STX8: variants seen among roughly 807,000 people sequenced by gnomAD.
STX8 encodes the protein syntaxin 8, also known as syntaxin-8.
Under a neutral mutation model 37.5 loss-of-function variants are expected in STX8, and 23 were observed. The ratio of observed to expected loss-of-function variants is 0.61; its 90% confidence interval spans 0.44 to 0.87. The LOEUF (loss-of-function observed/expected upper bound fraction) is 0.87. Ranked by LOEUF, STX8 falls within the 40% of genes least tolerant of loss-of-function variation. The pLI is 0.00. For synonymous variants in STX8, 115 were observed against 99.1 expected, an observed-to-expected ratio of 1.16 and a Z score of -0.95; for missense variants, 313 against 284.7, an observed-to-expected ratio of 1.10 and a Z score of -0.71.
chr17:9,477,017 TTTATTA>T (rs143962756), intron 6 of STX8, among the ~76,000 whole-genome samples: 13 of 151,856 alleles, frequency 8.6e-5, no homozygotes, highest in African/African-American at 3.1e-4. Context: ...GGCTAATTTT[TTTATTA>T]TTATTATTAT....
chr17:9,554,183 T>G (rs1468564323), intron 3 of STX8: 2 of 152,314 alleles, frequency 1.3e-5, no homozygotes, highest in Non-Finnish European at 2.9e-5. Flanking sequence ...TCGCTTGAAC[T>G]TGGGAAGCGG....
intron 3 of STX8, among the ~76,000 whole-genome samples, chr17:9,556,503 A>T (rs1331610367): frequency 6.6e-6 from 1 of 151,918 alleles, no homozygotes; most frequent in Non-Finnish European, 1.5e-5. Context: ...GTGCTTTGGC[A>T]CGATCTCGGC....
At chr17:9,532,371 G>T (rs1905855192) in intron 4 of STX8, among the ~76,000 whole-genome samples, 1 of 152,140 alleles carries the variant, frequency 6.6e-6, no homozygotes, top group Non-Finnish European at 1.5e-5. Flanking sequence ...GTGCAGTAAA[G>T]AATGCATATT....
intron 5 of STX8, among the ~76,000 whole-genome samples, chr17:9,503,290 T>C (rs960864614): frequency 6.6e-6 from 1 of 152,146 alleles, no homozygotes; most frequent in African/African-American, 2.4e-5. Context: ...AGAAAGAAGT[T>C]CAGCAGTTGT....
intron 6 of STX8, among the ~76,000 whole-genome samples, chr17:9,410,237 CTTATGA>C (rs1246994333): frequency 6.6e-6 from 1 of 152,162 alleles, no homozygotes; most frequent in Non-Finnish European, 1.5e-5. Context: ...GTCATCATTG[CTTATGA>C]TTGAGTTAAT....
At chr17:9,329,280 C>T (rs1301669691) in intron 7 of STX8, among the ~76,000 whole-genome samples, 1 of 152,110 alleles carries the variant, frequency 6.6e-6, no homozygotes, top group Non-Finnish European at 1.5e-5. Context: ...CTTTCACCTC[C>T]TTTTATAGGC....
intron 5 of STX8, among the ~76,000 whole-genome samples, chr17:9,502,463 G>A (rs1037442652): frequency 3.9e-5 from 6 of 152,182 alleles, no homozygotes; most frequent in African/African-American, 1.4e-4. Flanking sequence ...AAATATGCAT[G>A]TGAGCTTATA....
At chr17:9,384,794 T>TTGTGTGTGTG (rs59655296) in intron 6 of STX8, among the ~76,000 whole-genome samples, 1,491 of 147,728 alleles carry the variant, frequency 0.01, 25 homozygotes, top group African/African-American at 0.031. Flanking sequence ...CCAGATAGAC[T>TTGTGTGTGTG]TGTGTGTGTG....
At chr17:9,292,203 A>G (rs556017938) in intron 7 of STX8, among the ~76,000 whole-genome samples, 1 of 152,356 alleles carries the variant, frequency 6.6e-6, no homozygotes, top group East Asian at 1.9e-4. Flanking sequence ...ACAAAGAAGA[A>G]CCTCAGACAA....
At chr17:9,336,697 G>A (rs1910151996) in intron 7 of STX8, among the ~76,000 whole-genome samples, 1 of 152,076 alleles carries the variant, frequency 6.6e-6, no homozygotes, top group Non-Finnish European at 1.5e-5. Context: ...GCCTCCCAAA[G>A]TGCTGGGATA....
chr17:9,574,762 G>A (rs528061673), intron 1 of STX8, among the ~76,000 whole-genome samples: 51 of 152,264 alleles, frequency 3.3e-4, no homozygotes, highest in African/African-American at 1.2e-3. Context: ...TCGACCTCCC[G>A]ACCTCAGGTG....
rs560784950 is a variant in STX8 at position 9,303,360 on chromosome 17, G to T, written c.644-52715C>A. On this transcript the variant is annotated intron_variant, in intron 7 of 7. Transcript: ENST00000306357. The stretch of plus-strand genomic sequence containing the variant: ...AACCTAGACTGCTCACTCCAGAGCT[G>T]TTCCATGAAACACAAATACAGTTCT... Among the ~76,000 whole-genome samples, 46 of 152,264 alleles carry T rather than the reference G, an allele frequency of 3.0e-4. No individual in the cohort carries two copies. In the Middle Eastern group the frequency reaches 0.01, roughly 34 times the overall value.
chr17:9,326,071 T>C (rs1909742166), intron 7 of STX8, among the ~76,000 whole-genome samples: 1 of 151,708 alleles, frequency 6.6e-6, no homozygotes, highest in Non-Finnish European at 1.5e-5. Context: ...CTCCACTAGA[T>C]GGGTCTGTGA....
intron 6 of STX8, among the ~76,000 whole-genome samples, chr17:9,423,553 T>C (rs1913520112): frequency 6.6e-6 from 1 of 152,188 alleles, no homozygotes; most frequent in South Asian, 2.1e-4. Flanking sequence ...CTCAACCTCC[T>C]GACCTTGTCA....
intron 6 of STX8, among the ~76,000 whole-genome samples, chr17:9,454,401 G>A (rs111260784): frequency 0.031 from 4,732 of 152,214 alleles, 252 homozygotes; most frequent in African/African-American, 0.11. Flanking sequence ...CGGGCTGGCC[G>A]GGCGCGGTGG....
At chr17:9,567,581 T>C (rs1336014608) in intron 2 of STX8, among the ~76,000 whole-genome samples, 1 of 152,254 alleles carries the variant, frequency 6.6e-6, no homozygotes, top group Non-Finnish European at 1.5e-5. Flanking sequence ...CAGAGGCTTC[T>C]ATTTTCAATC....
chr17:9,464,255 A>T (rs1484861436), intron 6 of STX8, among the ~76,000 whole-genome samples: 3 of 151,724 alleles, frequency 2.0e-5, no homozygotes, highest in Admixed American at 6.6e-5. Context: ...AGGCACTTCT[A>T]TAAATAGAAA....
intron 4 of STX8, among the ~76,000 whole-genome samples, chr17:9,506,701 A>G (rs557476908): frequency 1.3e-5 from 2 of 152,172 alleles, no homozygotes; most frequent in African/African-American, 4.8e-5. Context: ...TCCTTATTAC[A>G]GGAGGATCCC....
At chr17:9,485,454 G>A (rs899276997) in intron 6 of STX8, among the ~76,000 whole-genome samples, 6 of 151,512 alleles carry the variant, frequency 4.0e-5, no homozygotes, top group Non-Finnish European at 8.8e-5. Flanking sequence ...ACCCTCAAAG[G>A]GTAAAAAAAT....
Sources: allele counts gnomAD v4.1 joint callset (sites outside exome capture counted in the v4.1 genomes callset), GRCh38; gene constraint gnomAD v4.1.1; transcripts MANE v1.5; gene names NCBI Gene and HGNC (gene_info 2026-07-23, HGNC 2026-07-21).